The following SCLT1 variants were observed in gnomAD, a reference collection of about 807,000 sequenced individuals.
SCLT1 encodes sodium channel and clathrin linker 1, also known as sodium channel-associated protein 1.
A neutral mutation model predicts 112.8 loss-of-function variants in SCLT1; 78 were observed. The observed-to-expected ratio is 0.69, with a 90% CI of 0.58 to 0.83. SCLT1 has a LOEUF of 0.83. SCLT1 is among the 40% of genes least tolerant of loss of function. The probability of loss-of-function intolerance (pLI) is 0.00; values close to 1 mark genes in which losing one functional copy is unlikely to be tolerated. For missense variants in SCLT1, 747 were observed against 770.4 expected (o/e 0.97, Z 0.36); for synonymous variants, 257 against 254.7 (o/e 1.01, Z -0.09).
At chr4:128,884,629 G>A (rs1732753164) in intron 20 of SCLT1, 90 bp from the exon 21 acceptor site, 1 of 785,634 alleles carries the variant, frequency 1.3e-6, no homozygotes, top group African/African-American at 1.7e-5. Context: ...CAACCTATAA[G>A]TACTGAAATG....
At chr4:129,008,693 A>G (rs1271305576) in intron 5 of SCLT1, among the ~76,000 whole-genome samples, 1 of 152,120 alleles carries the variant, frequency 6.6e-6, no homozygotes, top group African/African-American at 2.4e-5. Flanking sequence ...GTTCAGGGGT[A>G]CATGTACAGG....
chr4:128,943,007 C>CT lies in SCLT1; in HGVS notation c.1620dup (p.Ala541SerfsTer11), dbSNP rs760494753. On this transcript the variant is annotated frameshift_variant, in exon 17 of 21. Coordinates refer to ENST00000281142, the MANE Select transcript of SCLT1 (RefSeq NM_144643.4). LOFTEE classifies it high-confidence loss of function. ...AGTCTTGAAAATACCTTTACTTTGG[C>CT]TTTTTTTTGAGCCTCCAGGGCAATC... is the stretch of plus-strand genomic sequence containing the variant. 46 of 1,599,532 alleles carry CT rather than the reference C, an allele frequency of 2.9e-5. No individual in the cohort carries two copies. Among genetic ancestry groups the CT allele is most frequent in the Non-Finnish European group, 3.4e-5 (40 of 1,172,664 alleles).
intron 1 of SCLT1, among the ~76,000 whole-genome samples, chr4:129,089,770 A>C (rs992894334): frequency 1.3e-5 from 2 of 152,132 alleles, no homozygotes; most frequent in African/African-American, 4.8e-5. Context: ...AGAACAGAAC[A>C]CCAAACACCG....
chr4:129,002,166 G>T (rs1210258397), intron 6 of SCLT1, among the ~76,000 whole-genome samples: 1 of 151,840 alleles, frequency 6.6e-6, no homozygotes, highest in Non-Finnish European at 1.5e-5. Context: ...TTGTAATTTA[G>T]AATTTGTAGC....
At chr4:129,011,861 T>A (rs1471571040) in intron 5 of SCLT1, among the ~76,000 whole-genome samples, 1 of 152,188 alleles carries the variant, frequency 6.6e-6, no homozygotes, top group Admixed American at 6.5e-5. Context: ...TTGTTTGTAT[T>A]TCTGTGGGGT....
At chr4:128,924,982 G>C (rs560800992) in intron 18 of SCLT1, among the ~76,000 whole-genome samples, 1 of 152,122 alleles carries the variant, frequency 6.6e-6, no homozygotes, top group African/African-American at 2.4e-5. Context: ...TCACTCTGAG[G>C]GAAGCAAGCT....
At chr4:129,056,418 T>C (rs1417915047) in intron 2 of SCLT1, among the ~76,000 whole-genome samples, 2 of 152,234 alleles carry the variant, frequency 1.3e-5, no homozygotes, top group Non-Finnish European at 2.9e-5. Context: ...AGCTTTATAG[T>C]ATATTTTGAA....
At chr4:128,914,264 G>C (rs1735311230) in intron 18 of SCLT1, among the ~76,000 whole-genome samples, 1 of 152,056 alleles carries the variant, frequency 6.6e-6, no homozygotes, top group Middle Eastern at 3.4e-3. Flanking sequence ...TACTCTGGAG[G>C]CTGAGGCAAG....
At chr4:128,890,811 A>C (rs1733250549) in intron 19 of SCLT1, among the ~76,000 whole-genome samples, 2 of 152,224 alleles carry the variant, frequency 1.3e-5, no homozygotes, top group Admixed American at 1.3e-4. Flanking sequence ...CGTTCTCTGA[A>C]ATACTACACA....
At chr4:128,923,173 C>T (rs1465026033) in intron 18 of SCLT1, among the ~76,000 whole-genome samples, 4 of 152,088 alleles carry the variant, frequency 2.6e-5, no homozygotes, top group Non-Finnish European at 4.4e-5. Context: ...AAGCCACATG[C>T]GGTGGCTCAT....
chr4:128,921,782 A>T (rs764193437), intron 18 of SCLT1, among the ~76,000 whole-genome samples: 2 of 152,196 alleles, frequency 1.3e-5, no homozygotes, highest in African/African-American at 4.8e-5. Context: ...CAACAAAAAT[A>T]AAAGTTGACA....
intron 2 of SCLT1, among the ~76,000 whole-genome samples, chr4:129,054,977 T>C (rs1749217603): frequency 6.6e-6 from 1 of 152,236 alleles, no homozygotes; most frequent in Non-Finnish European, 1.5e-5. Context: ...TTGATGTTAC[T>C]GGTTTCCGTT....
chr4:129,032,616 C>T (rs1214861043), intron 5 of SCLT1, among the ~76,000 whole-genome samples: 1 of 151,980 alleles, frequency 6.6e-6, no homozygotes, highest in Non-Finnish European at 1.5e-5. Context: ...TATCCACAAT[C>T]TGCAAGGAAC....
Position 129,022,964 on chromosome 4 carries a change from A to G in SCLT1, c.290+16077T>C, listed in dbSNP as rs139107157. ...GCAGATCTCTCTGCAGAAATCCTAC[A>G]GGCCAGAACAGACTGGGGGCCAATA... On this transcript the variant is annotated intron_variant, in intron 5 of 20. Coordinates refer to ENST00000281142, the MANE Select transcript of SCLT1 (RefSeq NM_144643.4). 7.9e-3 allele frequency among the ~76,000 whole-genome samples: 1,206 copies of G among 152,332 alleles called. 15 individuals are homozygous for G. Among genetic ancestry groups the G allele is most frequent in the African/African-American group, 0.028 (1,156 of 41,574 alleles).
At chr4:128,961,398 G>A (rs1406398126) in intron 11 of SCLT1, among the ~76,000 whole-genome samples, 3 of 152,026 alleles carry the variant, frequency 2.0e-5, no homozygotes, top group African/African-American at 4.8e-5. Context: ...TAATTTACTA[G>A]TAGAGTATGT....
intron 18 of SCLT1, among the ~76,000 whole-genome samples, chr4:128,893,432 T>C (rs1253841292): frequency 6.6e-6 from 1 of 152,244 alleles, no homozygotes; most frequent in Non-Finnish European, 1.5e-5. Flanking sequence ...AATGATGTGA[T>C]GATGATAATA....
At chr4:129,068,709 C>T (rs1246755046) in intron 2 of SCLT1, among the ~76,000 whole-genome samples, 5 of 152,146 alleles carry the variant, frequency 3.3e-5, no homozygotes, top group Admixed American at 3.3e-4. Context: ...AAGATTTTCT[C>T]CCACTCTGTG....
intron 12 of SCLT1, among the ~76,000 whole-genome samples, chr4:128,957,998 T>C (rs1035955542): frequency 1.3e-5 from 2 of 152,190 alleles, no homozygotes; most frequent in African/African-American, 4.8e-5. Flanking sequence ...TCCCCCTCTC[T>C]ATCTGTCCTT....
chr4:129,027,284 C>T (rs1462487067), intron 5 of SCLT1, among the ~76,000 whole-genome samples: 9 of 152,040 alleles, frequency 5.9e-5, no homozygotes, highest in African/African-American at 1.7e-4. Context: ...TTGATGAACA[C>T]TGATGCAAAA....
Sources: allele counts gnomAD v4.1 joint callset (sites outside exome capture counted in the v4.1 genomes callset), GRCh38; gene constraint gnomAD v4.1.1; transcripts MANE v1.5; gene names NCBI Gene and HGNC (gene_info 2026-07-23, HGNC 2026-07-21).